The following LRP8 variants were observed in gnomAD, a reference collection of about 807,000 sequenced individuals.
LRP8 encodes LDL receptor related protein 8, also known as low-density lipoprotein receptor-related protein 8.
LRP8 carries 46 observed loss-of-function variants against 111.6 expected under a neutral mutation model. The ratio of observed to expected loss-of-function variants is 0.41; its 90% CI spans 0.33 to 0.53. The LOEUF (loss-of-function observed/expected upper bound fraction) is 0.53. LRP8 is among the 20% of genes least tolerant of loss of function. LRP8 has a pLI of 0.20. For missense variants in LRP8, 959 were observed against 1,297.4 expected, an observed-to-expected ratio of 0.74 and a Z score of 4.01; for synonymous variants, 464 against 511.2, an observed-to-expected ratio of 0.91 and a Z score of 1.24.
chr1:53,262,426 C>T lies in LRP8; in HGVS notation c.1774+20G>A. 1 of 1,610,890 alleles carries T rather than the reference C, an allele frequency of 6.2e-7. No individual in the cohort carries two copies. Among genetic ancestry groups the T allele is most frequent in the Non-Finnish European group, 8.5e-7 (1 of 1,177,754 alleles). On this transcript the variant is annotated intron_variant, in intron 11 of 18. Coordinates refer to ENST00000306052, the MANE Select transcript of LRP8 (RefSeq NM_004631.5). This position sits in a 1 kb window ranked among gnomAD's most constrained non-coding sequence, Gnocchi z 4.8. Reference sequence around the variant, plus strand: ...CAAGGCACTAGAATAGGCCCCCAACCCAGGAAAGGCAGGGCTCACCCAGGG... The same window carrying T: ...CAAGGCACTAGAATAGGCCCCCAACTCAGGAAAGGCAGGGCTCACCCAGGG...
intron 2 of LRP8, chr1:53,306,031 T>C (rs926756307): frequency 6.6e-6 from 1 of 152,194 alleles, no homozygotes; most frequent in African/African-American, 2.4e-5. Context: ...TTCTCTATTC[T>C]ATTGGGAAGC....
intron 13 of LRP8, 149 bp downstream of exon 13, chr1:53,260,315 A>G (rs1408150596): frequency 3.2e-5 from 23 of 715,948 alleles, no homozygotes; most frequent in Non-Finnish European, 4.7e-6. Flanking sequence ...TATATGATGA[A>G]AAAGTACTCT....
chr1:53,284,429 G>A (rs1455940352), intron 3 of LRP8, among the ~76,000 whole-genome samples: 8 of 152,126 alleles, frequency 5.3e-5, no homozygotes, highest in Non-Finnish European at 1.2e-4. Flanking sequence ...CACAGCAGGC[G>A]AGAGACCGAG....
At position 53,275,804 on chromosome 1, in the gene LRP8, C is replaced by T. The variant is rs993336594; in HGVS notation, c.884-51G>A. The T allele has an allele frequency of 1.3e-6, 2 of 1,591,796 alleles. No individual in the cohort carries two copies. The highest frequency in any genetic ancestry group is 1.7e-5 in the Admixed American group (1 of 57,948). On this transcript the variant is annotated intron_variant, in intron 5 of 18. Transcript: ENST00000306052. The surrounding 1 kb of genome is among the most constrained non-coding windows in gnomAD (Gnocchi z 4.4). ...GATCAGAGTCAGTGTGGTGCTAGGA[C>T]AATTTCCCCACCACCCCAATCCCCA...
chr1:53,255,102 G>A lies in LRP8; in HGVS notation c.2503+15C>T, dbSNP rs773278967. 6.2e-7 allele frequency: 1 copy of A among 1,612,290 alleles called. No homozygotes were observed. The highest frequency in any genetic ancestry group is 1.7e-5 in the Admixed American group (1 of 60,012). On this transcript the variant is annotated intron_variant, in intron 16 of 18. Coordinates refer to ENST00000306052, the MANE Select transcript of LRP8 (RefSeq NM_004631.5). Reference sequence around the variant, plus strand: ...GGTCTCTCTTTTCTCTTCAGTGACTGGGGGCCACACTCACCTATGGGCACG... The same window carrying A: ...GGTCTCTCTTTTCTCTTCAGTGACTAGGGGCCACACTCACCTATGGGCACG...
chr1:53,276,627 G>A (rs1646926737), intron 5 of LRP8, 65 bp downstream of exon 5: 2 of 1,331,708 alleles, frequency 1.5e-6, no homozygotes, highest in Non-Finnish European at 2.0e-6. Flanking sequence ...TGCACCTGGC[G>A]GATCCGGATC....
chr1:53,297,177 G>A (rs1455280821), intron 2 of LRP8, among the ~76,000 whole-genome samples: 1 of 152,172 alleles, frequency 6.6e-6, no homozygotes, highest in African/African-American at 2.4e-5. Context: ...CTCTGCTTCT[G>A]ACACTCTAGG....
intron 13 of LRP8, among the ~76,000 whole-genome samples, chr1:53,260,242 A>G (rs1646278715): frequency 6.6e-6 from 1 of 152,254 alleles, no homozygotes; most frequent in Admixed American, 6.5e-5. Flanking sequence ...AAAACAGGAC[A>G]GTTATGTATT....
At chr1:53,318,916 G>A (rs1025849398) in intron 2 of LRP8, among the ~76,000 whole-genome samples, 2 of 152,200 alleles carry the variant, frequency 1.3e-5, no homozygotes, top group Non-Finnish European at 2.9e-5. Context: ...GGAGTGCAGT[G>A]GTGTGATCTC....
chr1:53,266,705 G>A lies in LRP8; in HGVS notation c.1253-58C>T. On this transcript the variant is annotated intron_variant, in intron 8 of 18. Coordinates refer to ENST00000306052, the MANE Select transcript of LRP8 (RefSeq NM_004631.5). This position sits in a 1 kb window ranked among gnomAD's most constrained non-coding sequence, Gnocchi z 5.0. ...CAGTGCAAGAGGCAGGGAGCCTGGA[G>A]ACCAAGACTCTGCCACTGGCTTGCT... 1.3e-6 allele frequency: 2 copies of A among 1,514,390 alleles called. No homozygotes were observed. The highest frequency in any genetic ancestry group is 1.8e-6 in the Non-Finnish European group (2 of 1,094,344). The allele number at this position is 1,514,390 out of a possible 1,614,324, so 93.8% of individuals were successfully genotyped here. A position where few individuals can be genotyped will look rare whatever the true frequency, so the allele number is the denominator to read the frequency against.
intron 2 of LRP8, among the ~76,000 whole-genome samples, chr1:53,319,939 C>A (rs962730016): frequency 6.6e-6 from 1 of 152,264 alleles, no homozygotes; most frequent in Non-Finnish European, 1.5e-5. Context: ...TGTGTGAATG[C>A]ATATCTCCTT....
At chr1:53,292,907 C>G (rs751695800) in intron 2 of LRP8, among the ~76,000 whole-genome samples, 2 of 152,224 alleles carry the variant, frequency 1.3e-5, no homozygotes, top group Non-Finnish European at 2.9e-5. Flanking sequence ...AAAAACCTTA[C>G]AGCAGGTGGG....
At chr1:53,271,989 T>C (rs1260580775) in intron 6 of LRP8, among the ~76,000 whole-genome samples, 1 of 152,016 alleles carries the variant, frequency 6.6e-6, no homozygotes, top group Non-Finnish European at 1.5e-5. Flanking sequence ...TCACTCCATC[T>C]GTCCATGTCC....
At chr1:53,297,820 C>T (rs1056090640) in intron 2 of LRP8, among the ~76,000 whole-genome samples, 2 of 152,108 alleles carry the variant, frequency 1.3e-5, no homozygotes, top group African/African-American at 4.8e-5. Flanking sequence ...ATTTATTTCC[C>T]AAGAAACAAG....
At chr1:53,263,039 A>G (rs924067771) in intron 10 of LRP8, among the ~76,000 whole-genome samples, 1 of 152,208 alleles carries the variant, frequency 6.6e-6, no homozygotes, top group African/African-American at 2.4e-5. Flanking sequence ...TCCTTTGTAA[A>G]TAGTCCCTTT....
At chr1:53,269,852 T>TGCAAAACGCAAAAC (rs1432629849) in intron 8 of LRP8, among the ~76,000 whole-genome samples, 79 of 152,362 alleles carry the variant, frequency 5.2e-4, no homozygotes, top group African/African-American at 1.9e-3. Flanking sequence ...GCATCTGTTT[T>TGCAAAACGCAAAAC]GCTTACTGCT....
chr1:53,283,133 A>C (rs1290377242), intron 3 of LRP8, among the ~76,000 whole-genome samples: 1 of 152,178 alleles, frequency 6.6e-6, no homozygotes, highest in Non-Finnish European at 1.5e-5. Context: ...GAGGTGATTA[A>C]GCCATAACAG....
Position 53,262,336 on chromosome 1 carries a change from A to C in LRP8, c.1774+110T>G, listed in dbSNP as rs776231600. On this transcript the variant is annotated intron_variant, in intron 11 of 18. Coordinates refer to ENST00000306052, the MANE Select transcript of LRP8 (RefSeq NM_004631.5). This position sits in a 1 kb window ranked among gnomAD's most constrained non-coding sequence, Gnocchi z 4.8. ...CAGCCTACGGCAACCATTAGGAAAC[A>C]AAGTCACTGGCACCATGAGAGGACC... The C allele has an allele frequency of 2.0e-5, 31 of 1,516,022 alleles. No individual in the cohort carries two copies. The highest frequency in any genetic ancestry group is 2.8e-5 in the Non-Finnish European group (31 of 1,101,494). 93.9% of individuals were successfully genotyped at this position (1,516,022 alleles called of 1,614,324 possible).
Position 53,257,222 on chromosome 1 carries a change from C to A in LRP8, c.2434+18G>T. 6.2e-7 allele frequency: 1 copy of A among 1,612,548 alleles called. No homozygotes were observed. The highest frequency in any genetic ancestry group is 8.5e-7 in the Non-Finnish European group (1 of 1,179,076). On this transcript the variant is annotated intron_variant, in intron 15 of 18. Transcript: ENST00000306052. ...AGCCCTCCCATGTCATGAAAGAATG[C>A]AGAACTCATTTCCTTACAGTGCTGG... is the stretch of plus-strand genomic sequence containing the variant.
Sources: allele counts gnomAD v4.1 joint callset (sites outside exome capture counted in the v4.1 genomes callset), GRCh38; gene constraint gnomAD v4.1.1; non-coding constraint Gnocchi (gnomAD v3.1); transcripts MANE v1.5; gene names NCBI Gene and HGNC (gene_info 2026-07-23, HGNC 2026-07-21).